ITGBL1: variants seen among roughly 807,000 people sequenced by gnomAD.
ITGBL1 encodes integrin subunit beta like 1.
ITGBL1 carries 51 observed loss-of-function variants against 68.5 expected under a neutral mutation model. That is an observed-to-expected ratio of 0.74 (90% confidence interval 0.59 to 0.94). ITGBL1 has a LOEUF of 0.94. Ranked by LOEUF, ITGBL1 falls within the 40% of genes least tolerant of loss-of-function variation. ITGBL1 has a pLI of 0.00. For missense variants in ITGBL1, 649 were observed against 647.4 expected (o/e 1.00, Z -0.03); for synonymous variants, 209 against 227.3 (o/e 0.92, Z 0.72).
intron 7 of ITGBL1, among the ~76,000 whole-genome samples, chr13:101,685,127 A>G (rs539549214): frequency 1.3e-5 from 2 of 152,016 alleles, no homozygotes; most frequent in African/African-American, 2.4e-5. Context: ...CATCAACTTG[A>G]AAACATTCAG....
intron 2 of ITGBL1, among the ~76,000 whole-genome samples, chr13:101,524,787 A>G (rs1396999900): frequency 6.6e-6 from 1 of 151,998 alleles, no homozygotes; most frequent in Non-Finnish European, 1.5e-5. Flanking sequence ...CATTACGCCA[A>G]CTGACGTATA....
chr13:101,481,117 C>CATAT (rs199682713), intron 2 of ITGBL1, among the ~76,000 whole-genome samples: 1 of 148,116 alleles, frequency 6.8e-6, no homozygotes, highest in African/African-American at 2.5e-5. Context: ...TGTATATACA[C>CATAT]ATATATATAC....
At chr13:101,677,832 T>G (rs2033542027) in intron 7 of ITGBL1, among the ~76,000 whole-genome samples, 1 of 152,208 alleles carries the variant, frequency 6.6e-6, no homozygotes, top group East Asian at 1.9e-4. Flanking sequence ...TTATTATGTT[T>G]CTGGCATTTG....
intron 7 of ITGBL1, among the ~76,000 whole-genome samples, chr13:101,614,847 C>T (rs754752562): frequency 3.3e-5 from 5 of 152,162 alleles, no homozygotes; most frequent in Non-Finnish European, 7.3e-5. Context: ...CCTTCATTTG[C>T]ATAGTGCTTC....
chr13:101,594,174 T>C (rs1336877381), intron 6 of ITGBL1, among the ~76,000 whole-genome samples: 1 of 152,138 alleles, frequency 6.6e-6, no homozygotes, highest in Non-Finnish European at 1.5e-5. Context: ...GCTCTTGATT[T>C]CAAATTATAT....
intron 1 of ITGBL1, 109 bp downstream of exon 1, chr13:101,453,040 G>A (rs1259430482): frequency 1.2e-6 from 1 of 832,588 alleles, no homozygotes; most frequent in Non-Finnish European, 2.0e-6. Flanking sequence ...AATTGGACAA[G>A]GGATAAACTG....
At chr13:101,622,240 T>C (rs1393035410) in intron 7 of ITGBL1, among the ~76,000 whole-genome samples, 5 of 152,292 alleles carry the variant, frequency 3.3e-5, no homozygotes, top group African/African-American at 1.2e-4. Flanking sequence ...CTGTTCTAAA[T>C]GTTTGACTTA....
At chr13:101,472,264 T>A (rs1240735342) in intron 2 of ITGBL1, among the ~76,000 whole-genome samples, 1 of 152,200 alleles carries the variant, frequency 6.6e-6, no homozygotes, top group Non-Finnish European at 1.5e-5. Context: ...CCAAATGCTC[T>A]TAGTGTAAAT....
chr13:101,635,834 T>A (rs1232398997), intron 7 of ITGBL1, among the ~76,000 whole-genome samples: 1 of 152,054 alleles, frequency 6.6e-6, no homozygotes, highest in Non-Finnish European at 1.5e-5. Flanking sequence ...TGGAACTGAA[T>A]AAAATCCAGA....
intron 2 of ITGBL1, among the ~76,000 whole-genome samples, chr13:101,519,564 G>T (rs563505258): frequency 3.5e-4 from 53 of 151,900 alleles, no homozygotes; most frequent in Non-Finnish European, 6.9e-4. Context: ...TTCCAATAAA[G>T]AGAATAAATA....
intron 2 of ITGBL1, among the ~76,000 whole-genome samples, chr13:101,525,890 C>T (rs903836087): frequency 1.3e-5 from 2 of 151,954 alleles, no homozygotes; most frequent in African/African-American, 2.4e-5. Flanking sequence ...TGTGGTACCT[C>T]AAGACTCTCT....
In ITGBL1 at chr13:101,518,508, G is replaced by T. The variant is rs566381254; in HGVS notation, c.317-49191G>T. 2.0e-5 allele frequency among the ~76,000 whole-genome samples: 3 copies of T among 152,184 alleles called. 1 individual carries two copies. The East Asian group carries it at 5.8e-4, about 29-fold the overall frequency. Reference sequence around the variant, plus strand: ...TTATCTTAATCTAATCAGTGTTATTGCTCCTGTCATTCAGAATCTTCTTAA... The same window carrying T: ...TTATCTTAATCTAATCAGTGTTATTTCTCCTGTCATTCAGAATCTTCTTAA... On this transcript the variant is annotated intron_variant, in intron 2 of 10. Coordinates refer to ENST00000376180, the MANE Select transcript of ITGBL1 (RefSeq NM_004791.3).
At chr13:101,562,091 G>C (rs1202107890) in intron 2 of ITGBL1, among the ~76,000 whole-genome samples, 2 of 152,026 alleles carry the variant, frequency 1.3e-5, no homozygotes, top group Non-Finnish European at 2.9e-5. Flanking sequence ...AACTCTTACA[G>C]TTTTAACTCT....
rs76748425 is a variant in ITGBL1 at position 101,527,050 on chromosome 13, A to G, written c.317-40649A>G. On this transcript the variant is annotated intron_variant, in intron 2 of 10. Transcript: ENST00000376180. ...TGATTCTATGCCAACAAAAATTCAG[A>G]CACCCTAGTTATGTCTCTTTAGTCT... Among the ~76,000 whole-genome samples, 203 of 152,238 alleles carry G rather than the reference A, an allele frequency of 1.3e-3. 2 individuals are homozygous for G. Among genetic ancestry groups the G allele is most frequent in the African/African-American group, 4.7e-3 (195 of 41,562 alleles).
chr13:101,670,074 C>A (rs1438134621), intron 7 of ITGBL1, among the ~76,000 whole-genome samples: 1 of 152,168 alleles, frequency 6.6e-6, no homozygotes, highest in African/African-American at 2.4e-5. Flanking sequence ...CCCAGAAGAG[C>A]AATGTCTTCC....
rs76410754 is a variant in ITGBL1 at position 101,493,347 on chromosome 13, A to G, written c.316+39247A>G. ...AAGATACCAACAATGTCACTTATTG[A>G]AAAAAAAAAAGCTATTTCGATTACA... On this transcript the variant is annotated intron_variant, in intron 2 of 10. Coordinates refer to ENST00000376180, the MANE Select transcript of ITGBL1 (RefSeq NM_004791.3). Among the ~76,000 whole-genome samples, 1,241 of 143,824 alleles carry G rather than the reference A, an allele frequency of 8.6e-3. 19 individuals carry two copies. The highest frequency in any genetic ancestry group is 0.031 in the African/African-American group (1,191 of 38,162). 94.4% of individuals were successfully genotyped at this position (143,824 alleles called of 152,430 possible). A position where few individuals can be genotyped will look rare whatever the true frequency, so the allele number is the denominator to read the frequency against.
intron 7 of ITGBL1, among the ~76,000 whole-genome samples, chr13:101,614,778 A>G (rs1451939119): frequency 6.6e-6 from 1 of 152,076 alleles, no homozygotes. Context: ...GCTCCTCAGG[A>G]CCAATGCTGG....
In ITGBL1 at chr13:101,559,167, T is replaced by C. The variant is rs2050060416; in HGVS notation, c.317-8532T>C. ...TCTGAATGACACATAGAATTTTAAC[T>C]GGTCATGGTTGCTTTTAGTAGCAAA... On this transcript the variant is annotated intron_variant, in intron 2 of 10. Transcript: ENST00000376180. Among the ~76,000 whole-genome samples, 3 of 152,316 alleles carry C rather than the reference T, an allele frequency of 2.0e-5. No individual in the cohort carries two copies. In the East Asian group the frequency reaches 5.8e-4, roughly 29 times the overall value.
chr13:101,509,324 C>T (rs574840698), intron 2 of ITGBL1, among the ~76,000 whole-genome samples: 40 of 152,264 alleles, frequency 2.6e-4, no homozygotes, highest in Non-Finnish European at 4.7e-4. Flanking sequence ...CCTGCCATGA[C>T]ACCTGGGAAT....
Sources: allele counts gnomAD v4.1 joint callset (sites outside exome capture counted in the v4.1 genomes callset), GRCh38; gene constraint gnomAD v4.1.1; transcripts MANE v1.5; gene names NCBI Gene and HGNC (gene_info 2026-07-23, HGNC 2026-07-21).